CDC73: variants seen among roughly 807,000 people sequenced by gnomAD.
CDC73 encodes the protein parafibromin.
CDC73 carries 21 observed loss-of-function variants against 83.7 expected under a neutral mutation model. The ratio of observed to expected loss-of-function variants is 0.25; its 90% CI spans 0.18 to 0.36. The LOEUF (loss-of-function observed/expected upper bound fraction) is 0.36, where lower values mean the gene tolerates loss of function less well. Ranked by LOEUF, CDC73 falls within the 10% of genes least tolerant of loss-of-function variation. CDC73 has a pLI of 1.00. For synonymous variants in CDC73, 224 were observed against 212.9 expected, an observed-to-expected ratio of 1.05 and a Z score of -0.45; for missense variants, 342 against 653.3, an observed-to-expected ratio of 0.52 and a Z score of 5.19.
At chr1:193,225,344 T>A (rs1677549262) in intron 13 of CDC73, among the ~76,000 whole-genome samples, 1 of 151,880 alleles carries the variant, frequency 6.6e-6, no homozygotes, top group Admixed American at 6.6e-5. Context: ...TTTTTGCAAT[T>A]GCGAATTGTG....
chr1:193,177,356 T>TAAAAAAAAAAAA (rs1676623818), intron 10 of CDC73, among the ~76,000 whole-genome samples: 2 of 6,084 alleles, frequency 3.3e-4, no homozygotes, highest in Non-Finnish European at 7.2e-4. Context: ...CTACTAAAAA[T>TAAAAAAAAAAAA]ACAAAAAAAA....
At chr1:193,215,837 G>T (rs897503192) in intron 13 of CDC73, among the ~76,000 whole-genome samples, 2 of 152,090 alleles carry the variant, frequency 1.3e-5, no homozygotes, top group East Asian at 3.9e-4. Flanking sequence ...TGAGCTGCCT[G>T]CCTTGGCCTC....
At chr1:193,158,543 A>C (rs756257762) in intron 10 of CDC73, among the ~76,000 whole-genome samples, 1 of 152,128 alleles carries the variant, frequency 6.6e-6, no homozygotes, top group Non-Finnish European at 1.5e-5. Context: ...AAATTATATA[A>C]AGTGTTCAGG....
At chr1:193,166,433 G>A (rs1461902937) in intron 10 of CDC73, among the ~76,000 whole-genome samples, 3 of 152,094 alleles carry the variant, frequency 2.0e-5, no homozygotes, top group African/African-American at 7.2e-5. Context: ...GAGCCACTGC[G>A]CCCAGCCTTA....
At chr1:193,201,895 T>C (rs1677097987) in intron 10 of CDC73, among the ~76,000 whole-genome samples, 2 of 152,130 alleles carry the variant, frequency 1.3e-5, no homozygotes, top group Non-Finnish European at 2.9e-5. Context: ...CACATAATTT[T>C]TATTCTGGTG....
chr1:193,151,738 C>T (rs1676114630), intron 9 of CDC73, among the ~76,000 whole-genome samples: 1 of 152,128 alleles, frequency 6.6e-6, no homozygotes, highest in East Asian at 1.9e-4. Flanking sequence ...GCCTGAGCAA[C>T]ATGGCAAAAC....
chr1:193,220,640 A>G (rs892026560), intron 13 of CDC73, among the ~76,000 whole-genome samples: 2 of 152,206 alleles, frequency 1.3e-5, no homozygotes, highest in Admixed American at 1.3e-4. Flanking sequence ...ATACAAGTAT[A>G]TTCATACCTG....
At chr1:193,203,045 C>T (rs559284967) in intron 10 of CDC73, among the ~76,000 whole-genome samples, 1 of 152,128 alleles carries the variant, frequency 6.6e-6, no homozygotes, top group East Asian at 1.9e-4. Context: ...ACACTTGCAA[C>T]TTTCTATAAA....
intron 15 of CDC73, among the ~76,000 whole-genome samples, chr1:193,248,111 T>G (rs145953349): frequency 4.3e-4 from 66 of 152,198 alleles, no homozygotes; most frequent in African/African-American, 1.3e-3. Flanking sequence ...GAGGACAGAC[T>G]GACTCTTTTG....
intron 10 of CDC73, among the ~76,000 whole-genome samples, chr1:193,196,350 G>T (rs1677003439): frequency 6.6e-6 from 1 of 152,122 alleles, no homozygotes; most frequent in African/African-American, 2.4e-5. Context: ...CTGTATGTCT[G>T]TCTTTATGCC....
chr1:193,222,540 TTGA>T (rs1677490231), intron 13 of CDC73, among the ~76,000 whole-genome samples: 2 of 152,218 alleles, frequency 1.3e-5, no homozygotes, highest in African/African-American at 2.4e-5. Flanking sequence ...TTCCTTTGTT[TTGA>T]TGATAAGTTA....
chr1:193,218,180 A>G (rs367924023), intron 13 of CDC73, among the ~76,000 whole-genome samples: 153 of 152,276 alleles, frequency 1.0e-3, no homozygotes, highest in Non-Finnish European at 1.9e-3. Context: ...ATGCACACAC[A>G]AAACACCTGG....
At chr1:193,155,025 A>G (rs1427700072) in intron 10 of CDC73, among the ~76,000 whole-genome samples, 1 of 152,224 alleles carries the variant, frequency 6.6e-6, no homozygotes, top group Non-Finnish European at 1.5e-5. Context: ...TGATGTACAT[A>G]GTTAATAAAA....
At chr1:193,142,674 T>C (rs1218359917) in intron 7 of CDC73, among the ~76,000 whole-genome samples, 3 of 151,990 alleles carry the variant, frequency 2.0e-5, no homozygotes, top group African/African-American at 7.2e-5. Flanking sequence ...TCTTCCTCCT[T>C]CCCTCACTTC....
intron 6 of CDC73, among the ~76,000 whole-genome samples, chr1:193,141,331 T>C (rs1675902780): frequency 6.6e-6 from 1 of 152,212 alleles, no homozygotes; most frequent in Non-Finnish European, 1.5e-5. Context: ...GTATAAAATA[T>C]GGCTTTATCT....
chr1:193,126,911 C>G (rs914125278), intron 2 of CDC73, among the ~76,000 whole-genome samples: 1 of 152,100 alleles, frequency 6.6e-6, no homozygotes, highest in African/African-American at 2.4e-5. Context: ...ACCTCCCTCC[C>G]AACTAGAAAT....
chr1:193,145,414 C>A (rs190192853), intron 7 of CDC73, among the ~76,000 whole-genome samples: 143 of 152,230 alleles, frequency 9.4e-4, no homozygotes, highest in African/African-American at 3.3e-3. Context: ...TAAGAAAGCA[C>A]AATAAATGTC....
At chr1:193,237,695 C>T (rs182833374) in intron 15 of CDC73, among the ~76,000 whole-genome samples, 1 of 152,070 alleles carries the variant, frequency 6.6e-6, no homozygotes, top group African/African-American at 2.4e-5. Context: ...GTCATTAAAT[C>T]TGTAATAAAA....
At chr1:193,151,235 A>G (rs1025235150) in intron 9 of CDC73, among the ~76,000 whole-genome samples, 31 of 152,192 alleles carry the variant, frequency 2.0e-4, no homozygotes, top group Non-Finnish European at 1.2e-4. Flanking sequence ...TCTTCATTTA[A>G]GTTTTTTTTA....
Sources: allele counts gnomAD v4.1 joint callset (sites outside exome capture counted in the v4.1 genomes callset), GRCh38; gene constraint gnomAD v4.1.1; transcripts MANE v1.5; gene names NCBI Gene and HGNC (gene_info 2026-07-23, HGNC 2026-07-21).